LRRTM3: variants seen among roughly 807,000 people sequenced by gnomAD.
LRRTM3 encodes the protein leucine-rich repeat transmembrane neuronal protein 3.
LRRTM3 carries 24 observed loss-of-function variants against 44.7 expected under a neutral mutation model. The ratio of observed to expected loss-of-function variants is 0.54; its 90% CI spans 0.39 to 0.76. The LOEUF (loss-of-function observed/expected upper bound fraction) is 0.76. Among genes scored for constraint, LRRTM3 ranks in the 30% least tolerant of loss-of-function variants. The probability of loss-of-function intolerance (pLI) is 0.00; values close to 1 mark genes in which losing one functional copy is unlikely to be tolerated. For synonymous variants in LRRTM3, 277 were observed against 278.7 expected (o/e 0.99, Z 0.06); for missense variants, 587 against 702.2 (o/e 0.84, Z 1.85).
At chr10:67,059,929 C>T (rs116376074) in intron 2 of LRRTM3, among the ~76,000 whole-genome samples, 2,560 of 152,142 alleles carry the variant, frequency 0.017, 78 homozygotes, top group African/African-American at 0.057. Context: ...ATAGAAGACA[C>T]TGTTTCTGTT....
intron 2 of LRRTM3, among the ~76,000 whole-genome samples, chr10:67,072,836 T>C (rs2131853060): frequency 6.6e-6 from 1 of 152,014 alleles, no homozygotes; most frequent in South Asian, 2.1e-4. Context: ...GGCTGCCAAG[T>C]CCTTTTGTTT....
intron 2 of LRRTM3, among the ~76,000 whole-genome samples, chr10:66,935,764 C>G (rs1053263409): frequency 1.3e-5 from 2 of 150,702 alleles, no homozygotes; most frequent in Non-Finnish European, 2.9e-5. Flanking sequence ...GTGTTTTATG[C>G]GTTTCGTAAA....
At chr10:67,065,665 C>T (rs1026926366) in intron 2 of LRRTM3, among the ~76,000 whole-genome samples, 1 of 151,982 alleles carries the variant, frequency 6.6e-6, no homozygotes, top group African/African-American at 2.4e-5. Context: ...TCCTCCATGC[C>T]CTTTCCCCAA....
chr10:66,974,484 C>T (rs1316204547), intron 2 of LRRTM3, among the ~76,000 whole-genome samples: 4 of 152,086 alleles, frequency 2.6e-5, no homozygotes, highest in African/African-American at 4.8e-5. Flanking sequence ...ACAAGTCATT[C>T]GCCAGCATAT....
chr10:67,087,248 A>C (rs1857357744), intron 2 of LRRTM3, among the ~76,000 whole-genome samples: 1 of 152,028 alleles, frequency 6.6e-6, no homozygotes, highest in African/African-American at 2.4e-5. Flanking sequence ...AGAGGTTAAC[A>C]CAGAAGGGTC....
chr10:66,964,868 A>T (rs1849315239), intron 2 of LRRTM3, among the ~76,000 whole-genome samples: 1 of 152,234 alleles, frequency 6.6e-6, no homozygotes, highest in Non-Finnish European at 1.5e-5. Context: ...AGTTCAAGTC[A>T]CAACTCAAAA....
intron 2 of LRRTM3, among the ~76,000 whole-genome samples, chr10:67,056,064 G>T (rs1855408784): frequency 6.6e-6 from 1 of 152,052 alleles, no homozygotes; most frequent in African/African-American, 2.4e-5. Flanking sequence ...AAGAATGCTT[G>T]TAAAGTATTG....
chr10:67,016,029 T>C (rs201688618), intron 2 of LRRTM3, among the ~76,000 whole-genome samples: 1 of 76,338 alleles, frequency 1.3e-5, no homozygotes, highest in Non-Finnish European at 3.8e-5. Flanking sequence ...TGCTGTATAC[T>C]CTCTTCTTTG....
intron 2 of LRRTM3, 145 bp from the exon 3 acceptor site, chr10:67,097,442 A>G: frequency 3.1e-6 from 2 of 645,100 alleles, no homozygotes; most frequent in South Asian, 3.7e-5. Flanking sequence ...AGGGGGCATT[A>G]GCGGGATAAT....
intron 2 of LRRTM3, among the ~76,000 whole-genome samples, chr10:67,042,216 C>A (rs1281607678): frequency 6.6e-6 from 1 of 152,018 alleles, no homozygotes; most frequent in African/African-American, 2.4e-5. Flanking sequence ...AGGGTAATTT[C>A]AATAGTGCAG....
At chr10:67,030,162 G>GCT (rs1445393601) in intron 2 of LRRTM3, among the ~76,000 whole-genome samples, 1 of 152,190 alleles carries the variant, frequency 6.6e-6, no homozygotes, top group Non-Finnish European at 1.5e-5. Flanking sequence ...TAAAGCACCA[G>GCT]TTGGATGGTT....
At chr10:66,957,903 C>T (rs1050196042) in intron 2 of LRRTM3, among the ~76,000 whole-genome samples, 16 of 152,072 alleles carry the variant, frequency 1.1e-4, no homozygotes, top group South Asian at 4.1e-4. Context: ...CCTGGACTTA[C>T]GCATATGAAC....
At chr10:67,005,421 T>G (rs1851910446) in intron 2 of LRRTM3, among the ~76,000 whole-genome samples, 2 of 152,126 alleles carry the variant, frequency 1.3e-5, no homozygotes, top group African/African-American at 2.4e-5. Context: ...TTCATTGTAT[T>G]TCCTAATTCA....
intron 2 of LRRTM3, among the ~76,000 whole-genome samples, chr10:67,055,676 T>A (rs1679823356): frequency 6.6e-6 from 1 of 152,146 alleles, no homozygotes; most frequent in Non-Finnish European, 1.5e-5. Context: ...GGCTTTGTTC[T>A]TTGTAAGAAT....
intron 2 of LRRTM3, among the ~76,000 whole-genome samples, chr10:66,948,826 C>T (rs1848398929): frequency 6.6e-6 from 1 of 152,170 alleles, no homozygotes; most frequent in Admixed American, 6.5e-5. Flanking sequence ...TAAATCATAA[C>T]ATAAAGCAGT....
chr10:66,999,681 T>C (rs1287831681), intron 2 of LRRTM3, among the ~76,000 whole-genome samples: 1 of 152,130 alleles, frequency 6.6e-6, no homozygotes, highest in Non-Finnish European at 1.5e-5. Flanking sequence ...TTAACTTAGA[T>C]AGAAAGTAGA....
At chr10:67,044,500 T>C (rs979973287) in intron 2 of LRRTM3, among the ~76,000 whole-genome samples, 1 of 152,194 alleles carries the variant, frequency 6.6e-6, no homozygotes, top group Non-Finnish European at 1.5e-5. Flanking sequence ...AAGATCACTT[T>C]TGATGCTATC....
intron 2 of LRRTM3, among the ~76,000 whole-genome samples, chr10:67,053,564 C>T (rs543667566): frequency 6.6e-6 from 1 of 152,290 alleles, no homozygotes; most frequent in African/African-American, 2.4e-5. Context: ...TTATCTATCA[C>T]ACAAACAGCA....
intron 2 of LRRTM3, among the ~76,000 whole-genome samples, chr10:67,077,278 G>C (rs978552406): frequency 6.6e-6 from 1 of 152,110 alleles, no homozygotes; most frequent in Non-Finnish European, 1.5e-5. Context: ...ATGCAAACCA[G>C]TTCTTATCAC....
Sources: gnomAD v4.1 joint callset for allele counts (sites outside exome capture counted in the v4.1 genomes callset) on GRCh38, gnomAD v4.1.1 for gene constraint, MANE v1.5 for transcripts, NCBI Gene and HGNC (gene_info 2026-07-23, HGNC 2026-07-21) for gene names.